MAD2L1: variants seen among roughly 807,000 people sequenced by gnomAD.
The protein encoded by MAD2L1 is mitotic arrest deficient 2 like 1.
MAD2L1 carries 10 observed loss-of-function variants against 25.9 expected under a neutral mutation model. The ratio of observed to expected loss-of-function variants is 0.39; its 90% CI spans 0.24 to 0.66. The LOEUF (loss-of-function observed/expected upper bound fraction) is 0.66. MAD2L1 is among the 30% of genes least tolerant of loss of function. The pLI is 0.49. For missense variants in MAD2L1, 180 were observed against 246.4 expected, an observed-to-expected ratio of 0.73 and a Z score of 1.80; for synonymous variants, 81 against 91.8, an observed-to-expected ratio of 0.88 and a Z score of 0.67.
At position 120,056,635 on chromosome 4, in the gene MAD2L1, TTATACTAATAA is replaced by T. The variant is rs1174751472; in HGVS notation, c.*3472_*3482del. On this transcript the variant is annotated 3_prime_UTR_variant, in exon 5 of 5. Transcript: ENST00000296509. ...ATATAGGAAGTCAGTATAATTAGCA[TTATACTAATAA>T]AAACATTTTTCAGCATGCATGTCTA... 6.6e-6 allele frequency: 1 copy of T among 152,226 alleles called. No individual in the cohort carries two copies. The highest frequency in any genetic ancestry group is 1.9e-4 in the East Asian group (1 of 5,198). 9.4% of individuals were successfully genotyped at this position (152,226 alleles called of 1,614,324 possible).
In MAD2L1 at chr4:120,060,977, A is replaced by G. The variant is rs1165212616; in HGVS notation, c.342T>C (p.Ser114=). The G allele has an allele frequency of 6.3e-6, 10 of 1,581,510 alleles. No individual in the cohort carries two copies. The highest frequency in any genetic ancestry group is 7.8e-6 in the Non-Finnish European group (9 of 1,152,254). Residue 114 remains serine, a splice_region_variant and synonymous_variant, in exon 4 of 5, where the codon AGT becomes AGC. Coordinates refer to ENST00000296509, the MANE Select transcript of MAD2L1 (RefSeq NM_002358.4). ...IECDKTAKDD[S]APREKSQKAI... ...CTTTCTGAGACTTTTCTCTGGGTGC[A>G]CTGTCAAAAAAAAATCAAATCAATT...
Position 120,056,409 on chromosome 4 carries a change from G to T in MAD2L1, c.*3709C>A, listed in dbSNP as rs1406305077. The T allele has an allele frequency of 6.6e-6, 1 of 152,078 alleles. No homozygotes were observed. Among genetic ancestry groups the T allele is most frequent in the Non-Finnish European group, 1.5e-5 (1 of 68,000 alleles). The allele number at this position is 152,078 out of a possible 1,614,324, so 9.4% of individuals were successfully genotyped here. A position where few individuals can be genotyped will look rare whatever the true frequency, so the allele number is the denominator to read the frequency against. On this transcript the variant is annotated 3_prime_UTR_variant, in exon 5 of 5. Coordinates refer to ENST00000296509, the MANE Select transcript of MAD2L1 (RefSeq NM_002358.4). ...TTACAGCCTTTAGAACCAAAAGAAA[G>T]TCATCTTAATTTGAATATTACAGCA...
At chr4:120,062,971 C>T (rs550193473) in intron 2 of MAD2L1, among the ~76,000 whole-genome samples, 7 of 152,120 alleles carry the variant, frequency 4.6e-5, no homozygotes, top group South Asian at 2.1e-4. Context: ...GGTTTAGTCA[C>T]GATAGTAAGG....
rs530141070 is a variant in MAD2L1 at position 120,059,807 on chromosome 4, T to A, written c.*311A>T. On this transcript the variant is annotated 3_prime_UTR_variant, in exon 5 of 5. Transcript: ENST00000296509. ...CCAAAACATCTGATTTAGGAAAGCA[T>A]CTAGCTTTATAGCACAAGTTTTTCC... 45 of 190,208 alleles carry A rather than the reference T, an allele frequency of 2.4e-4. No individual in the cohort carries two copies. The highest frequency in any genetic ancestry group is 4.1e-4 in the Non-Finnish European group (38 of 93,134). 11.8% of individuals were successfully genotyped at this position (190,208 alleles called of 1,614,324 possible).
chr4:120,065,460 A>AT, intron 2 of MAD2L1: 2 of 467,774 alleles, frequency 4.3e-6, no homozygotes, highest in Non-Finnish European at 7.7e-6. Flanking sequence ...TTTTTTAGCC[A>AT]TATCAGATTT....
At position 120,059,664 on chromosome 4, in the gene MAD2L1, T is replaced by C. The variant is rs1350448748; in HGVS notation, c.*454A>G. 3.3e-5 allele frequency: 5 copies of C among 152,824 alleles called. No individual in the cohort carries two copies. Among genetic ancestry groups the C allele is most frequent in the African/African-American group, 1.2e-4 (5 of 41,460 alleles). 9.5% of individuals were successfully genotyped at this position (152,824 alleles called of 1,614,324 possible). A position where few individuals can be genotyped will look rare whatever the true frequency, so the allele number is the denominator to read the frequency against. ...AAAGGAGCTATACAGCAATATTTCATTGTTTATAGATTATGAGTTACTTTC... is the reference window on the plus strand; with the variant it reads ...AAAGGAGCTATACAGCAATATTTCACTGTTTATAGATTATGAGTTACTTTC... On this transcript the variant is annotated 3_prime_UTR_variant, in exon 5 of 5. Coordinates refer to ENST00000296509, the MANE Select transcript of MAD2L1 (RefSeq NM_002358.4).
intron 4 of MAD2L1, 85 bp from the exon 5 acceptor site, chr4:120,060,375 C>T (rs1560769999): frequency 1.8e-5 from 20 of 1,113,748 alleles, no homozygotes; most frequent in African/African-American, 3.1e-5. Context: ...TTGAACCACT[C>T]ACTGCTGGAA....
intron 1 of MAD2L1, among the ~76,000 whole-genome samples, chr4:120,066,424 G>C (rs1054244464): frequency 1.3e-5 from 2 of 152,174 alleles, no homozygotes; most frequent in East Asian, 1.9e-4. Flanking sequence ...GGAAAGTAAG[G>C]GGTGGGAGGT....
chr4:120,066,417 A>G (rs926983342), intron 1 of MAD2L1, among the ~76,000 whole-genome samples: 3 of 152,076 alleles, frequency 2.0e-5, no homozygotes, highest in Admixed American at 2.0e-4. Context: ...CTGTATCGGA[A>G]AGTAAGGGGT....
chr4:120,059,445 CTTAACT>C lies in MAD2L1; in HGVS notation c.*667_*672del, dbSNP rs1173579740. 6.6e-6 allele frequency: 1 copy of C among 152,172 alleles called. No individual in the cohort carries two copies. The highest frequency in any genetic ancestry group is 1.9e-4 in the East Asian group (1 of 5,200). 9.4% of individuals were successfully genotyped at this position (152,172 alleles called of 1,614,324 possible). The stretch of plus-strand genomic sequence containing the variant: ...TGTTTTAAGACAAATTTAAAACAAA[CTTAACT>C]TTATTTCCTCACTTTCACTTAAAAC... On this transcript the variant is annotated 3_prime_UTR_variant, in exon 5 of 5. Transcript: ENST00000296509.
chr4:120,063,939 C>T (rs868640094), intron 2 of MAD2L1, among the ~76,000 whole-genome samples: 3 of 152,078 alleles, frequency 2.0e-5, no homozygotes, highest in Non-Finnish European at 4.4e-5. Context: ...TTGCAGTGAG[C>T]GGAGATCACG....
chr4:120,065,855 C>A (rs1726306661), intron 1 of MAD2L1, 37 bp from the exon 2 acceptor site: 1 of 1,600,558 alleles, frequency 6.2e-7, no homozygotes, highest in African/African-American at 1.3e-5. Context: ...AATTCATTAT[C>A]CCTGCATAAC....
At position 120,058,470 on chromosome 4, in the gene MAD2L1, A is replaced by C. The variant is rs1235680792; in HGVS notation, c.*1648T>G. 1.3e-5 allele frequency: 2 copies of C among 152,132 alleles called. No homozygotes were observed. Among genetic ancestry groups the C allele is most frequent in the African/African-American group, 4.8e-5 (2 of 41,410 alleles). The allele number at this position is 152,132 out of a possible 1,614,324, so 9.4% of individuals were successfully genotyped here. A position where few individuals can be genotyped will look rare whatever the true frequency, so the allele number is the denominator to read the frequency against. On this transcript the variant is annotated 3_prime_UTR_variant, in exon 5 of 5. Transcript: ENST00000296509. ...CATGGTGAAACCCTCTCTCTACTAA[A>C]AATATAAAAATTAGCCAGGTGTGGT...
intron 2 of MAD2L1, among the ~76,000 whole-genome samples, chr4:120,064,467 G>A (rs549337073): frequency 5.0e-4 from 76 of 152,288 alleles, no homozygotes; most frequent in African/African-American, 1.8e-3. Flanking sequence ...ATACATGGAG[G>A]CATTTCTGGT....
chr4:120,061,369 A>G (rs1726214499), intron 3 of MAD2L1, among the ~76,000 whole-genome samples: 1 of 152,208 alleles, frequency 6.6e-6, no homozygotes, highest in Non-Finnish European at 1.5e-5. Context: ...CTAAATGTCT[A>G]ATTTCCTATT....
Position 120,066,645 on chromosome 4 carries a change from C to G in MAD2L1, c.73+17G>C, listed in dbSNP as rs766946794. Reference sequence around the variant, plus strand: ...GACTCCGTTCCCCCCGATATATTGGCCTGCGCGAGAACTTACAGAAGAACT... The same window carrying G: ...GACTCCGTTCCCCCCGATATATTGGGCTGCGCGAGAACTTACAGAAGAACT... On this transcript the variant is annotated intron_variant, in intron 1 of 4. Coordinates refer to ENST00000296509, the MANE Select transcript of MAD2L1 (RefSeq NM_002358.4). 3 of 1,596,668 alleles carry G rather than the reference C, an allele frequency of 1.9e-6. No homozygotes were observed.
rs1396565961 is a variant in MAD2L1, at chr4:120,059,060, T to TC, written c.*1057_*1058insG. On this transcript the variant is annotated 3_prime_UTR_variant, in exon 5 of 5. Transcript: ENST00000296509. ...AACTGGATAGAAAGCATGTACCAGA[T>TC]GAGGGTATTAATGAAAGCACAGGAA... is the stretch of plus-strand genomic sequence containing the variant. The TC allele has an allele frequency of 6.6e-6, 1 of 152,160 alleles. No homozygotes were observed. The highest frequency in any genetic ancestry group is 1.9e-4 in the East Asian group (1 of 5,192). The allele number at this position is 152,160 out of a possible 1,614,324, so 9.4% of individuals were successfully genotyped here. A position where few individuals can be genotyped will look rare whatever the true frequency, so the allele number is the denominator to read the frequency against.
chr4:120,065,759 G>C lies in MAD2L1; in HGVS notation c.133C>G (p.Arg45Gly). The change falls in exon 2 of 5, where the codon CGA becomes GGA. Residue 45 changes from arginine (R) to glycine (G), a missense_variant. By Grantham distance (125) the Arg-to-Gly change is moderately radical. Transcript: ENST00000296509. ...AAGGTGAGTCCGTATTTCTGCACTC[G>C]AGTAAAGGTTTCAGATGGATATATG... ...RGIYPSETFT[R>G]VQKYGLTLLV... 1 of 1,613,798 alleles carries C rather than the reference G, an allele frequency of 6.2e-7. No individual in the cohort carries two copies. Among genetic ancestry groups the C allele is most frequent in the Non-Finnish European group, 8.5e-7 (1 of 1,179,828 alleles).
rs776769703 is a variant in MAD2L1, at chr4:120,059,487, A to T, written c.*631T>A. On this transcript the variant is annotated 3_prime_UTR_variant, in exon 5 of 5. Coordinates refer to ENST00000296509, the MANE Select transcript of MAD2L1 (RefSeq NM_002358.4). ...ACTTTCACTTAAAACTTGATTTTATAAAACACATGAAAAAACATTTTTAAG... is the reference window on the plus strand; with the variant it reads ...ACTTTCACTTAAAACTTGATTTTATTAAACACATGAAAAAACATTTTTAAG... The T allele has an allele frequency of 6.6e-6, 1 of 152,108 alleles. No homozygotes were observed. Among genetic ancestry groups the T allele is most frequent in the Non-Finnish European group, 1.5e-5 (1 of 68,014 alleles). The allele number at this position is 152,108 out of a possible 1,614,324, so 9.4% of individuals were successfully genotyped here.
Sources: gnomAD v4.1 joint callset for allele counts (sites outside exome capture counted in the v4.1 genomes callset) on GRCh38, gnomAD v4.1.1 for gene constraint, MANE v1.5 for transcripts, NCBI Gene and HGNC (gene_info 2026-07-23, HGNC 2026-07-21) for gene names.